Variants in DLGAP2 observed in about 807,000 individuals in gnomAD.
DLGAP2 encodes the protein DLG associated protein 2.
In DLGAP2, 26 loss-of-function variants were observed where a neutral mutation model predicts 100.3. That is an observed-to-expected ratio of 0.26 (90% CI 0.19 to 0.36). DLGAP2 has a LOEUF of 0.36. DLGAP2 is among the 10% of genes least tolerant of loss of function. DLGAP2 has a pLI of 1.00. For synonymous variants in DLGAP2, 886 were observed against 630.1 expected, an observed-to-expected ratio of 1.41 and a Z score of -6.08; for missense variants, 1,858 against 1,453.2, an observed-to-expected ratio of 1.28 and a Z score of -4.53.
chr8:863,460 T>G (rs2128990309), intron 1 of DLGAP2, among the ~76,000 whole-genome samples: 1 of 152,326 alleles, frequency 6.6e-6, no homozygotes, highest in Non-Finnish European at 1.5e-5. Context: ...TTGTTGTGTT[T>G]CGGCATTCCA....
At chr8:814,147 G>A (rs1244765236) in intron 1 of DLGAP2, among the ~76,000 whole-genome samples, 1 of 152,126 alleles carries the variant, frequency 6.6e-6, no homozygotes, top group Non-Finnish European at 1.5e-5. Context: ...AAGAATTTTA[G>A]AATCACAATT....
chr8:1,288,482 CAG>C (rs1799988842), intron 3 of DLGAP2, among the ~76,000 whole-genome samples: 1 of 69,726 alleles, frequency 1.4e-5, no homozygotes, highest in Non-Finnish European at 2.6e-5. Context: ...TGTTTCAGTT[CAG>C]TGTGTGTGTG....
intron 1 of DLGAP2, among the ~76,000 whole-genome samples, chr8:741,856 G>A (rs1255703108): frequency 6.6e-6 from 1 of 152,214 alleles, no homozygotes; most frequent in Admixed American, 6.5e-5. Flanking sequence ...TCAAGGAGAG[G>A]AAAGCTTTAG....
intron 2 of DLGAP2, among the ~76,000 whole-genome samples, chr8:1,257,267 C>T (rs945681034): frequency 2.0e-5 from 3 of 152,322 alleles, no homozygotes; most frequent in South Asian, 2.1e-4. Context: ...GTCCCCGCCC[C>T]GCCCAGCCAC....
chr8:1,017,890 G>C (rs1464523544), intron 2 of DLGAP2, among the ~76,000 whole-genome samples: 5 of 152,254 alleles, frequency 3.3e-5, no homozygotes, highest in South Asian at 2.1e-4. Context: ...CTGCCACTGA[G>C]TTTGCAGAGA....
chr8:1,305,992 A>C (rs946011909), intron 3 of DLGAP2, among the ~76,000 whole-genome samples: 1 of 150,486 alleles, frequency 6.6e-6, no homozygotes, highest in African/African-American at 2.4e-5. Context: ...ATATCCAGAT[A>C]TTTTGCTGAA....
chr8:1,169,038 C>T (rs1427472797), intron 2 of DLGAP2, among the ~76,000 whole-genome samples: 1 of 148,626 alleles, frequency 6.7e-6, no homozygotes, highest in African/African-American at 2.5e-5. Flanking sequence ...GTCTTTAATC[C>T]ATCTTGAATT....
At chr8:1,264,812 C>G (rs1431872876) in intron 3 of DLGAP2, among the ~76,000 whole-genome samples, 3 of 152,178 alleles carry the variant, frequency 2.0e-5, no homozygotes, top group Admixed American at 6.5e-5. Context: ...CCCATAATCA[C>G]CACGTGCCAT....
intron 2 of DLGAP2, among the ~76,000 whole-genome samples, chr8:1,081,168 T>A (rs574346445): frequency 6.6e-6 from 1 of 152,286 alleles, no homozygotes; most frequent in African/African-American, 2.4e-5. Context: ...TCTGAAATAA[T>A]AATGATATTA....
intron 2 of DLGAP2, among the ~76,000 whole-genome samples, chr8:1,048,438 C>T (rs1802576101): frequency 6.6e-6 from 1 of 152,088 alleles, no homozygotes; most frequent in Non-Finnish European, 1.5e-5. Flanking sequence ...CGGGTGTTCA[C>T]AGGTAGCGAC....
intron 2 of DLGAP2, among the ~76,000 whole-genome samples, chr8:1,180,170 T>G (rs964294347): frequency 2.5e-4 from 38 of 152,288 alleles, no homozygotes; most frequent in African/African-American, 8.9e-4. Flanking sequence ...GGACGTAAAT[T>G]ACACTTTTTT....
At chr8:897,697 C>T (rs755025508) in intron 1 of DLGAP2, among the ~76,000 whole-genome samples, 2 of 152,204 alleles carry the variant, frequency 1.3e-5, no homozygotes, top group Admixed American at 6.5e-5. Flanking sequence ...GCCCCTCCCC[C>T]TCCCCACGGG....
chr8:781,503 A>G (rs1484993903), intron 1 of DLGAP2, among the ~76,000 whole-genome samples: 1 of 152,166 alleles, frequency 6.6e-6, no homozygotes, highest in African/African-American at 2.4e-5. Context: ...TACAACTGTG[A>G]TTAACTGCTG....
chr8:1,473,867 A>G (rs1172268308), intron 3 of DLGAP2, among the ~76,000 whole-genome samples: 1 of 151,902 alleles, frequency 6.6e-6, no homozygotes, highest in Non-Finnish European at 1.5e-5. Flanking sequence ...CCTGCCTTTC[A>G]CCTTCCACCA....
intron 2 of DLGAP2, among the ~76,000 whole-genome samples, chr8:1,062,939 A>G (rs1179793474): frequency 6.6e-6 from 1 of 152,148 alleles, no homozygotes; most frequent in African/African-American, 2.4e-5. Flanking sequence ...CTTATTCTCC[A>G]TTTGCTATAG....
Position 1,419,232 on chromosome 8 carries a change from G to A in DLGAP2, c.107-82134G>A, listed in dbSNP as rs570232201. ...TGTGTGTGTGTGTGTGTGTGTGTGT[G>A]TAGGTTTTGTTTTCCTTTTATAAAT... On this transcript the variant is annotated intron_variant, in intron 3 of 14. Coordinates refer to ENST00000637795, the MANE Select transcript of DLGAP2 (RefSeq NM_001346810.2). Among the ~76,000 whole-genome samples the A allele has an allele frequency of 3.6e-5, 5 of 137,648 alleles. No homozygotes were observed. In the South Asian group the frequency reaches 1.2e-3, roughly 34 times the overall value. The allele number at this position is 137,648 out of a possible 152,430, so 90.3% of individuals were successfully genotyped here. A position where few individuals can be genotyped will look rare whatever the true frequency, so the allele number is the denominator to read the frequency against.
At chr8:1,474,693 CAAAAATGGCTTTTGT>C (rs1277535118) in intron 3 of DLGAP2, among the ~76,000 whole-genome samples, 18 of 152,086 alleles carry the variant, frequency 1.2e-4, no homozygotes, top group African/African-American at 3.9e-4. Context: ...TCACATCAGT[CAAAAATGGCTTTTGT>C]TAAAAGGTTA....
At chr8:1,416,149 T>C (rs4876027) in intron 3 of DLGAP2, among the ~76,000 whole-genome samples, 12,065 of 152,228 alleles carry the variant, frequency 0.079, 1,067 homozygotes, top group East Asian at 0.38. Context: ...GTATTTTCAG[T>C]GCTCAGTTTG....
intron 2 of DLGAP2, among the ~76,000 whole-genome samples, chr8:1,047,700 G>T (rs1423371652): frequency 6.6e-6 from 1 of 152,040 alleles, no homozygotes; most frequent in Non-Finnish European, 1.5e-5. Context: ...GAAGGCCAAG[G>T]CGGGTCTCTG....
Sources: gnomAD v4.1 joint callset for allele counts (sites outside exome capture counted in the v4.1 genomes callset) on GRCh38, gnomAD v4.1.1 for gene constraint, MANE v1.5 for transcripts, NCBI Gene and HGNC (gene_info 2026-07-23, HGNC 2026-07-21) for gene names.